Variants in NLGN1 observed in about 807,000 individuals in gnomAD.
NLGN1 encodes the protein neuroligin 1, also known as neuroligin-1.
NLGN1 carries 12 observed loss-of-function variants against 65.5 expected under a neutral mutation model. The ratio of observed to expected loss-of-function variants is 0.18; its 90% CI spans 0.12 to 0.30. The LOEUF is 0.30. Ranked by LOEUF, NLGN1 falls within the 10% of genes least tolerant of loss-of-function variation. The probability of loss-of-function intolerance (pLI) is 1.00; values close to 1 mark genes in which losing one functional copy is unlikely to be tolerated. For synonymous variants in NLGN1, 350 were observed against 359.5 expected (o/e 0.97, Z 0.30); for missense variants, 750 against 1,007.1 (o/e 0.74, Z 3.46).
intron 3 of NLGN1, among the ~76,000 whole-genome samples, chr3:173,643,806 T>C (rs185394619): frequency 7.3e-4 from 111 of 152,268 alleles, no homozygotes; most frequent in African/African-American, 2.6e-3. Context: ...ACTCCTGGGC[T>C]CAAGTGATCC....
chr3:174,090,258 G>A (rs1326825874), intron 4 of NLGN1, among the ~76,000 whole-genome samples: 1 of 152,072 alleles, frequency 6.6e-6, no homozygotes, highest in Non-Finnish European at 1.5e-5. Flanking sequence ...ATCACTTGAG[G>A]TCAAGAGTTC....
At chr3:174,097,070 C>T (rs187675652) in intron 4 of NLGN1, among the ~76,000 whole-genome samples, 15 of 151,604 alleles carry the variant, frequency 9.9e-5, no homozygotes, top group Non-Finnish European at 1.5e-4. Context: ...ACCTTGGGAA[C>T]GATTTGAGGG....
At chr3:173,506,514 A>G (rs1176581398) in intron 2 of NLGN1, among the ~76,000 whole-genome samples, 1 of 152,104 alleles carries the variant, frequency 6.6e-6, no homozygotes, top group Non-Finnish European at 1.5e-5. Context: ...CAGAAAACAC[A>G]AATATTTCAT....
At chr3:173,618,916 T>G (rs1043789444) in intron 3 of NLGN1, among the ~76,000 whole-genome samples, 5 of 152,110 alleles carry the variant, frequency 3.3e-5, no homozygotes, top group African/African-American at 1.2e-4. Context: ...AAGAGGGTGT[T>G]GGATTTCTGG....
At chr3:174,034,048 A>C (rs1386253932) in intron 4 of NLGN1, among the ~76,000 whole-genome samples, 1 of 152,102 alleles carries the variant, frequency 6.6e-6, no homozygotes, top group Non-Finnish European at 1.5e-5. Flanking sequence ...AGATAAAGAC[A>C]AAATCTAGAA....
intron 4 of NLGN1, among the ~76,000 whole-genome samples, chr3:174,223,315 G>A (rs2152807783): frequency 6.6e-6 from 1 of 152,204 alleles, no homozygotes; most frequent in Admixed American, 6.5e-5. Flanking sequence ...GGTCCTTCAT[G>A]AGAAGTCCCT....
chr3:173,765,814 C>A (rs1305427144), intron 3 of NLGN1, among the ~76,000 whole-genome samples: 1 of 152,130 alleles, frequency 6.6e-6, no homozygotes, highest in Non-Finnish European at 1.5e-5. Context: ...ACTGCCATTT[C>A]CATTCTGCTC....
intron 1 of NLGN1, among the ~76,000 whole-genome samples, chr3:173,428,370 G>A (rs895631147): frequency 3.3e-5 from 5 of 150,912 alleles, no homozygotes; most frequent in Admixed American, 3.3e-4. Flanking sequence ...CTTTTCTACT[G>A]TCTTTTTTTG....
At chr3:173,445,459 T>C (rs1720091232) in intron 2 of NLGN1, among the ~76,000 whole-genome samples, 1 of 152,168 alleles carries the variant, frequency 6.6e-6, no homozygotes, top group South Asian at 2.1e-4. Flanking sequence ...TGTTTCAATT[T>C]ACAGAAGCAA....
chr3:173,508,411 T>A (rs1353472069), intron 2 of NLGN1, among the ~76,000 whole-genome samples: 1 of 152,154 alleles, frequency 6.6e-6, no homozygotes, highest in African/African-American at 2.4e-5. Context: ...TTGGTCTTGA[T>A]TGAGATACCA....
intron 4 of NLGN1, among the ~76,000 whole-genome samples, chr3:173,976,432 G>A (rs953473097): frequency 1.3e-5 from 2 of 151,934 alleles, no homozygotes; most frequent in African/African-American, 2.4e-5. Context: ...GAATTTTGGA[G>A]CTATTACAGA....
chr3:174,058,706 A>T (rs1001166393), intron 4 of NLGN1, among the ~76,000 whole-genome samples: 2 of 152,112 alleles, frequency 1.3e-5, no homozygotes, highest in Non-Finnish European at 2.9e-5. Flanking sequence ...CCTCTGCCTG[A>T]ACCTGTATGG....
At chr3:173,499,180 G>C (rs1317479940) in intron 2 of NLGN1, among the ~76,000 whole-genome samples, 1 of 151,582 alleles carries the variant, frequency 6.6e-6, no homozygotes, top group Non-Finnish European at 1.5e-5. Flanking sequence ...GGGTTTTTAT[G>C]GTTTTAGGTC....
intron 4 of NLGN1, among the ~76,000 whole-genome samples, chr3:174,063,249 C>G (rs1177961236): frequency 1.3e-5 from 2 of 151,910 alleles, no homozygotes; most frequent in Non-Finnish European, 2.9e-5. Context: ...ATTTTATTTC[C>G]AAGGAAAATA....
At chr3:174,133,893 AACAC>A (rs5854553) in intron 4 of NLGN1, among the ~76,000 whole-genome samples, 104 of 144,894 alleles carry the variant, frequency 7.2e-4, no homozygotes, top group African/African-American at 2.1e-3. Flanking sequence ...CACCCCACAA[AACAC>A]ACACACACAC....
chr3:173,642,631 C>A (rs1757595345), intron 3 of NLGN1, among the ~76,000 whole-genome samples: 1 of 152,098 alleles, frequency 6.6e-6, no homozygotes, highest in Non-Finnish European at 1.5e-5. Flanking sequence ...AAGTAATTAA[C>A]CCTAGATCTA....
At chr3:173,724,591 A>G (rs114182627) in intron 3 of NLGN1, 2,337 of 152,994 alleles carry the variant, frequency 0.015, 40 homozygotes, top group Non-Finnish European at 0.023. Flanking sequence ...TGCACTTAAA[A>G]TAACTAGTTC....
At chr3:173,612,432 C>G (rs1212766282) in intron 3 of NLGN1, among the ~76,000 whole-genome samples, 1 of 152,044 alleles carries the variant, frequency 6.6e-6, no homozygotes, top group Non-Finnish European at 1.5e-5. Flanking sequence ...GAAGGATTGG[C>G]TCTTTCTGGA....
intron 4 of NLGN1, among the ~76,000 whole-genome samples, chr3:173,818,597 A>G (rs1341539420): frequency 8.5e-5 from 13 of 152,170 alleles, no homozygotes; most frequent in Admixed American, 8.5e-4. Context: ...TGGTTTGTAA[A>G]ATAGAAAATA....
Sources: gnomAD v4.1 joint callset for allele counts (sites outside exome capture counted in the v4.1 genomes callset) on GRCh38, gnomAD v4.1.1 for gene constraint, MANE v1.5 for transcripts, NCBI Gene and HGNC (gene_info 2026-07-23, HGNC 2026-07-21) for gene names.